Variants in TBX20 observed in about 807,000 individuals in gnomAD.
The protein encoded by TBX20 is T-box transcription factor 20.
A neutral mutation model predicts 42.9 loss-of-function variants in TBX20; 8 were observed. That is an observed-to-expected ratio of 0.19 (90% CI 0.11 to 0.34). TBX20 has a LOEUF of 0.34. Among genes scored for constraint, TBX20 ranks in the 10% least tolerant of loss-of-function variants. The probability of loss-of-function intolerance (pLI) is 1.00; values close to 1 mark genes in which losing one functional copy is unlikely to be tolerated. For missense variants in TBX20, 411 were observed against 566.0 expected (o/e 0.73, Z 2.78); for synonymous variants, 198 against 222.8 (o/e 0.89, Z 0.99).
At chr7:35,225,397 T>A (rs1789752754) in intron 6 of TBX20, among the ~76,000 whole-genome samples, 1 of 152,256 alleles carries the variant, frequency 6.6e-6, no homozygotes, top group African/African-American at 2.4e-5. Flanking sequence ...TTTAAATGAT[T>A]TTTTTCATAC....
At chr7:35,234,031 A>T (rs894851961) in intron 5 of TBX20, among the ~76,000 whole-genome samples, 1 of 152,240 alleles carries the variant, frequency 6.6e-6, no homozygotes, top group Non-Finnish European at 1.5e-5. Flanking sequence ...AATAAAGGTA[A>T]GGCTGCCTTT....
chr7:35,205,873 G>C (rs1394153305), intron 6 of TBX20, among the ~76,000 whole-genome samples: 1 of 152,166 alleles, frequency 6.6e-6, no homozygotes, highest in Non-Finnish European at 1.5e-5. Flanking sequence ...TTAGGATCCA[G>C]ATCCACTGCA....
intron 7 of TBX20, 80 bp from the exon 8 acceptor site, chr7:35,202,850 T>C: frequency 2.0e-6 from 3 of 1,533,936 alleles, no homozygotes; most frequent in Non-Finnish European, 2.6e-6. Context: ...TAAAGATCAA[T>C]TTGTGTTTAA....
At chr7:35,230,872 G>A (rs148525494) in intron 6 of TBX20, among the ~76,000 whole-genome samples, 2,499 of 152,202 alleles carry the variant, frequency 0.016, 58 homozygotes, top group African/African-American at 0.056. Flanking sequence ...TTCATACTGG[G>A]CAAAATATGT....
Position 35,253,635 on chromosome 7 carries a change from G to A in TBX20, c.-15C>T, listed in dbSNP as rs1442547496. ...GTGAACTCCATGGTCCCCAGCACGC[G>A]GTCCTGGCCAGGGACGGGGTCGTCC... is the stretch of plus-strand genomic sequence containing the variant. On this transcript the variant is annotated 5_prime_UTR_variant, in exon 1 of 8. Coordinates refer to ENST00000408931, the MANE Select transcript of TBX20 (RefSeq NM_001077653.2). 1.9e-6 allele frequency: 3 copies of A among 1,609,532 alleles called. No homozygotes were observed. The highest frequency in any genetic ancestry group is 2.2e-4 in the Middle Eastern group (1 of 4,510).
chr7:35,203,743 C>T (rs1164096236), intron 7 of TBX20, among the ~76,000 whole-genome samples: 2 of 152,222 alleles, frequency 1.3e-5, no homozygotes, highest in African/African-American at 4.8e-5. Flanking sequence ...CAAGAGTCAA[C>T]TGTAATACTA....
intron 6 of TBX20, among the ~76,000 whole-genome samples, chr7:35,205,842 C>T (rs906868085): frequency 1.3e-5 from 2 of 152,080 alleles, no homozygotes; most frequent in African/African-American, 2.4e-5. Flanking sequence ...AATAAAGTAC[C>T]ACCTCTTATA....
intron 3 of TBX20, among the ~76,000 whole-genome samples, chr7:35,246,200 CAA>C (rs971917518): frequency 6.6e-6 from 1 of 152,106 alleles, no homozygotes; most frequent in African/African-American, 2.4e-5. Flanking sequence ...GAGCAATGCA[CAA>C]AAAAGGTTGA....
chr7:35,236,002 T>A, intron 5 of TBX20, among the ~76,000 whole-genome samples: 1 of 152,138 alleles, frequency 6.6e-6, no homozygotes, highest in East Asian at 1.9e-4. Flanking sequence ...AAACAATGCA[T>A]GACCTTTCAA....
At chr7:35,217,969 C>T (rs1046182082) in intron 6 of TBX20, among the ~76,000 whole-genome samples, 1 of 152,210 alleles carries the variant, frequency 6.6e-6, no homozygotes, top group Non-Finnish European at 1.5e-5. Flanking sequence ...ATCCGCCCAC[C>T]TTGGCCTCCC....
rs1405105893 is a variant in TBX20 at position 35,249,894 on chromosome 7, A to C, written c.380+57T>G. On this transcript the variant is annotated intron_variant, in intron 2 of 7. Transcript: ENST00000408931. This position sits in a 1 kb window ranked among gnomAD's most constrained non-coding sequence, Gnocchi z 4.3. ...CTAGTTCCTGGAAGCACCCTCAACT[A>C]CCCAGGGAGTGTCCTGACTCTCCAC... 1.3e-6 allele frequency: 2 copies of C among 1,552,270 alleles called. No homozygotes were observed. Among genetic ancestry groups the C allele is most frequent in the African/African-American group, 1.4e-5 (1 of 73,134 alleles).
At chr7:35,238,854 C>T (rs4723403) in intron 5 of TBX20, among the ~76,000 whole-genome samples, 54,321 of 150,420 alleles carry the variant, frequency 0.36, 10,181 homozygotes, top group Admixed American at 0.46. Context: ...ATAACAATTA[C>T]GCATTAATTT....
intron 6 of TBX20, among the ~76,000 whole-genome samples, chr7:35,219,047 T>C (rs148061220): frequency 0.016 from 2,386 of 152,316 alleles, 24 homozygotes; most frequent in Non-Finnish European, 0.024. Flanking sequence ...TTGTTTATGG[T>C]CTTTTGTTAT....
chr7:35,248,782 A>G lies in TBX20; in HGVS notation c.440T>C (p.Ile147Thr), dbSNP rs1231431724. Residue 147 changes from isoleucine (I) to threonine (T), a missense_variant, in exon 3 of 8, where the codon ATA becomes ACA. Physicochemically the swap from Ile to Thr is moderately conservative, Grantham distance 89. Transcript: ENST00000408931. ...CACAGGGACGATGTCCATCAGGACTATGTACTTGGCCTCAGGATCCACCCC... is the reference window on the plus strand; with the variant it reads ...CACAGGGACGATGTCCATCAGGACTGTGTACTTGGCCTCAGGATCCACCCC... ...FSGVDPEAKY[I>T]VLMDIVPVDN... The G allele has an allele frequency of 7.4e-6, 12 of 1,614,170 alleles. No homozygotes were observed. Among genetic ancestry groups the G allele is most frequent in the Non-Finnish European group, 1.0e-5 (12 of 1,180,030 alleles).
At chr7:35,245,591 T>TA (rs1460599128) in intron 3 of TBX20, among the ~76,000 whole-genome samples, 1 of 152,178 alleles carries the variant, frequency 6.6e-6, no homozygotes, top group Non-Finnish European at 1.5e-5. Context: ...GCAATTTTAA[T>TA]ATAGGGACAT....
intron 5 of TBX20, among the ~76,000 whole-genome samples, chr7:35,233,993 A>C (rs1789915984): frequency 6.6e-6 from 1 of 152,222 alleles, no homozygotes; most frequent in African/African-American, 2.4e-5. Context: ...CCACATGAAA[A>C]TTTCAAACTG....
At chr7:35,213,714 G>T (rs1011529166) in intron 6 of TBX20, among the ~76,000 whole-genome samples, 2 of 152,046 alleles carry the variant, frequency 1.3e-5, no homozygotes, top group East Asian at 1.9e-4. Context: ...ATGAATAGAT[G>T]AGTAGGTGAT....
chr7:35,238,554 T>C (rs1273293107), intron 5 of TBX20, among the ~76,000 whole-genome samples: 1 of 152,232 alleles, frequency 6.6e-6, no homozygotes, highest in Non-Finnish European at 1.5e-5. Context: ...GTGTACATTA[T>C]AAAAGCTATG....
intron 5 of TBX20, among the ~76,000 whole-genome samples, chr7:35,232,828 G>A (rs1789893216): frequency 6.6e-6 from 1 of 152,124 alleles, no homozygotes; most frequent in African/African-American, 2.4e-5. Context: ...TTCGAAACCA[G>A]CCTGACCAAC....
Sources: allele counts gnomAD v4.1 joint callset (sites outside exome capture counted in the v4.1 genomes callset), GRCh38; gene constraint gnomAD v4.1.1; non-coding constraint Gnocchi (gnomAD v3.1); transcripts MANE v1.5; gene names NCBI Gene and HGNC (gene_info 2026-07-23, HGNC 2026-07-21).